Variants in PRKN observed in about 807,000 individuals in gnomAD.
PRKN encodes parkin RBR E3 ubiquitin protein ligase.
A neutral mutation model predicts 59.5 loss-of-function variants in PRKN; 56 were observed. The observed-to-expected ratio is 0.94, with a 90% CI of 0.76 to 1.18. PRKN has a LOEUF of 1.18. Among genes scored for constraint, PRKN ranks in the 50% most tolerant of loss-of-function variants. The probability of loss-of-function intolerance (pLI) is 0.00; values close to 1 mark genes in which losing one functional copy is unlikely to be tolerated. For missense variants in PRKN, 657 were observed against 596.4 expected (o/e 1.10, Z -1.06); for synonymous variants, 250 against 222.1 (o/e 1.13, Z -1.12).
chr6:162,400,132 G>C (rs1039015775), intron 2 of PRKN, among the ~76,000 whole-genome samples: 2 of 151,966 alleles, frequency 1.3e-5, no homozygotes, highest in African/African-American at 4.8e-5. Context: ...GCTTGAACCT[G>C]GGAGGTGGAA....
intron 7 of PRKN, among the ~76,000 whole-genome samples, chr6:161,743,709 C>T (rs1215825022): frequency 6.6e-6 from 1 of 152,124 alleles, no homozygotes; most frequent in East Asian, 1.9e-4. Flanking sequence ...CCGAGGAAGG[C>T]CTCACTCTGA....
intron 3 of PRKN, 101 bp downstream of exon 3, chr6:162,262,422 ACG>A (rs749162802): frequency 3.6e-6 from 5 of 1,408,102 alleles, no homozygotes; most frequent in Middle Eastern, 3.5e-4. Flanking sequence ...CCAATCCAAA[ACG>A]TATCATAAAC....
At chr6:162,689,407 T>G (rs565926591) in intron 1 of PRKN, among the ~76,000 whole-genome samples, 5 of 152,378 alleles carry the variant, frequency 3.3e-5, no homozygotes, top group Non-Finnish European at 7.3e-5. Context: ...TAGGCTTCTA[T>G]TGCCTGTTAG....
chr6:162,033,468 T>C (rs1562473780), intron 5 of PRKN, among the ~76,000 whole-genome samples: 1 of 152,234 alleles, frequency 6.6e-6, no homozygotes, highest in African/African-American at 2.4e-5. Context: ...ATATGTGCCT[T>C]AGTTATAACT....
chr6:161,859,658 G>GACA (rs1793811935), intron 6 of PRKN, among the ~76,000 whole-genome samples: 1 of 148,596 alleles, frequency 6.7e-6, no homozygotes, highest in African/African-American at 2.5e-5. Context: ...TATGTCTTGT[G>GACA]ACAAGAGTTA....
chr6:162,201,082 T>C, intron 4 of PRKN, 49 bp downstream of exon 4: 2 of 1,574,158 alleles, frequency 1.3e-6, no homozygotes, highest in Non-Finnish European at 1.7e-6. Flanking sequence ...AATGTGTTAG[T>C]ACACATTCAT....
intron 1 of PRKN, among the ~76,000 whole-genome samples, chr6:162,683,159 C>T (rs1779836234): frequency 6.6e-6 from 1 of 152,122 alleles, no homozygotes; most frequent in Non-Finnish European, 1.5e-5. Flanking sequence ...CATGCTTCTT[C>T]AACAGTGAAG....
At chr6:161,869,549 A>G (rs1207309840) in intron 6 of PRKN, among the ~76,000 whole-genome samples, 1 of 152,182 alleles carries the variant, frequency 6.6e-6, no homozygotes, top group African/African-American at 2.4e-5. Context: ...ATTTAACTTG[A>G]GCATACTTAA....
intron 4 of PRKN, among the ~76,000 whole-genome samples, chr6:162,129,445 G>A (rs927363746): frequency 1.3e-5 from 2 of 152,054 alleles, no homozygotes; most frequent in African/African-American, 4.8e-5. Context: ...AACTAATATG[G>A]CCAGAAGCAA....
At chr6:162,629,614 A>G (rs1783026888) in intron 1 of PRKN, among the ~76,000 whole-genome samples, 1 of 152,198 alleles carries the variant, frequency 6.6e-6, no homozygotes, top group African/African-American at 2.4e-5. Flanking sequence ...TCTTTTAGTC[A>G]ACATTTTAAA....
At chr6:162,017,899 C>CAA (rs1554261562) in intron 5 of PRKN, among the ~76,000 whole-genome samples, 13 of 152,052 alleles carry the variant, frequency 8.5e-5, no homozygotes, top group African/African-American at 2.9e-4. Flanking sequence ...AAAGAAACCC[C>CAA]GAGAGAGCCT....
intron 1 of PRKN, among the ~76,000 whole-genome samples, chr6:162,511,321 T>G (rs924999639): frequency 6.6e-6 from 1 of 152,260 alleles, no homozygotes; most frequent in South Asian, 2.1e-4. Flanking sequence ...AATGCAATTA[T>G]GCCTACTTAT....
intron 3 of PRKN, among the ~76,000 whole-genome samples, chr6:162,215,674 TTATTC>T (rs71701713): frequency 0.028 from 4,268 of 152,248 alleles, 67 homozygotes; most frequent in East Asian, 0.079. Context: ...AAATTATTGT[TTATTC>T]TATCTAATTG....
chr6:161,621,718 C>G (rs773550546), intron 7 of PRKN, among the ~76,000 whole-genome samples: 1 of 152,084 alleles, frequency 6.6e-6, no homozygotes, highest in Non-Finnish European at 1.5e-5. Context: ...TAAAATTAAC[C>G]ATTACAGCCG....
At chr6:162,713,160 C>A (rs1206519447) in intron 1 of PRKN, among the ~76,000 whole-genome samples, 4 of 152,142 alleles carry the variant, frequency 2.6e-5, no homozygotes, top group Non-Finnish European at 5.9e-5. Flanking sequence ...AAACAAAAAA[C>A]CTACCTTCAA....
In PRKN at chr6:161,463,813, T is replaced by G. The variant is rs145660726; in HGVS notation, c.1084-76936A>C. 1.3e-5 allele frequency among the ~76,000 whole-genome samples: 2 copies of G among 152,272 alleles called. No individual in the cohort carries two copies. Among genetic ancestry groups the G allele is most frequent in the East Asian group, 3.9e-4 (2 of 5,184 alleles). On this transcript the variant is annotated intron_variant, in intron 9 of 11. Coordinates refer to ENST00000366898, the MANE Select transcript of PRKN (RefSeq NM_004562.3). The surrounding 1 kb of genome is among the most constrained non-coding windows in gnomAD (Gnocchi z 4.8). The stretch of plus-strand genomic sequence containing the variant: ...AGTGATCACTTTTCCAACATTTCCA[T>G]CCAAATTTTGGAAGCACCTAAATCC...
intron 1 of PRKN, among the ~76,000 whole-genome samples, chr6:162,554,015 C>G (rs904213593): frequency 6.6e-6 from 1 of 152,000 alleles, no homozygotes; most frequent in African/African-American, 2.4e-5. Context: ...CTGCAAGCAC[C>G]GCAGCTGTCG....
Position 161,874,273 on chromosome 6 carries a change from ATATATATTATATAT to A in PRKN, c.735-88379_735-88366del, listed in dbSNP as rs1266719312. ...ATATATATTATATGTAAAATATATA[ATATATATTATATAT>A]TATATATTACATGTAAAATATTATA... is the stretch of plus-strand genomic sequence containing the variant. On this transcript the variant is annotated intron_variant, in intron 6 of 11. Coordinates refer to ENST00000366898, the MANE Select transcript of PRKN (RefSeq NM_004562.3). 6.5e-4 allele frequency among the ~76,000 whole-genome samples: 18 copies of A among 27,492 alleles called. 4 individuals carry two copies. Among genetic ancestry groups the A allele is most frequent in the African/African-American group, 2.1e-3 (16 of 7,550 alleles). The allele number at this position is 27,492 out of a possible 152,430, so 18.0% of individuals were successfully genotyped here.
chr6:162,560,494 T>A (rs935052583), intron 1 of PRKN, among the ~76,000 whole-genome samples: 2 of 152,126 alleles, frequency 1.3e-5, no homozygotes, highest in African/African-American at 4.8e-5. Flanking sequence ...CCTGGATCAA[T>A]GTCTTATATT....
Sources: gnomAD v4.1 joint callset for allele counts (sites outside exome capture counted in the v4.1 genomes callset) on GRCh38, gnomAD v4.1.1 for gene constraint, Gnocchi (gnomAD v3.1) non-coding constraint, MANE v1.5 for transcripts, NCBI Gene and HGNC (gene_info 2026-07-23, HGNC 2026-07-21) for gene names.